Variants in FBXO32 observed in about 807,000 individuals in gnomAD.
FBXO32 encodes F-box protein 32.
Under a neutral mutation model 48.3 loss-of-function variants are expected in FBXO32, and 15 were observed. That is an observed-to-expected ratio of 0.31 (90% confidence interval 0.21 to 0.48). FBXO32 has a LOEUF of 0.48. Among genes scored for constraint, FBXO32 ranks in the 20% least tolerant of loss-of-function variants. The probability of loss-of-function intolerance (pLI) is 0.99; values close to 1 mark genes in which losing one functional copy is unlikely to be tolerated. For synonymous variants in FBXO32, 154 were observed against 165.9 expected (o/e 0.93, Z 0.55); for missense variants, 309 against 432.7 (o/e 0.71, Z 2.54).
At chr8:123,539,475 G>A (rs62521285) in intron 1 of FBXO32, among the ~76,000 whole-genome samples, 1 of 152,122 alleles carries the variant, frequency 6.6e-6, no homozygotes, top group Admixed American at 6.6e-5. Flanking sequence ...TTGATTTTAC[G>A]TAAATAAGAT....
intron 1 of FBXO32, among the ~76,000 whole-genome samples, chr8:123,536,929 G>C (rs1194998299): frequency 6.6e-6 from 1 of 152,068 alleles, no homozygotes; most frequent in Non-Finnish European, 1.5e-5. Flanking sequence ...AGCTAGTTTA[G>C]AAAGAATTTT....
chr8:123,510,036 G>A (rs1419121960), intron 6 of FBXO32, among the ~76,000 whole-genome samples: 2 of 152,132 alleles, frequency 1.3e-5, no homozygotes, highest in Non-Finnish European at 2.9e-5. Flanking sequence ...TCAGTACAGC[G>A]CCCAATAAAT....
At chr8:123,526,183 C>G (rs1268789896) in intron 4 of FBXO32, among the ~76,000 whole-genome samples, 1 of 151,706 alleles carries the variant, frequency 6.6e-6, no homozygotes, top group African/African-American at 2.4e-5. Context: ...TGACCAAGAT[C>G]ATAATAACCA....
chr8:123,518,015 C>T (rs536576793), intron 4 of FBXO32, among the ~76,000 whole-genome samples: 1 of 152,206 alleles, frequency 6.6e-6, no homozygotes, highest in East Asian at 1.9e-4. Flanking sequence ...GCTATAGCAC[C>T]GAAATGGCTA....
intron 1 of FBXO32, among the ~76,000 whole-genome samples, chr8:123,538,598 G>A (rs1340502303): frequency 6.6e-6 from 1 of 152,098 alleles, no homozygotes; most frequent in East Asian, 1.9e-4. Context: ...AGAAGTTGCA[G>A]GCTTCTCATG....
At chr8:123,522,235 A>T (rs1273800748) in intron 4 of FBXO32, among the ~76,000 whole-genome samples, 1 of 116,704 alleles carries the variant, frequency 8.6e-6, no homozygotes, top group Non-Finnish European at 1.7e-5. Flanking sequence ...TTTGAGATGG[A>T]GTCTCACTCT....
rs915990845 is a variant in FBXO32 at position 123,525,692 on chromosome 8, T to C, written c.372+6206A>G. Among the ~76,000 whole-genome samples, 1 of 152,186 alleles carries C rather than the reference T, an allele frequency of 6.6e-6. No individual in the cohort carries two copies. Among genetic ancestry groups the C allele is most frequent in the African/African-American group, 2.4e-5 (1 of 41,460 alleles). ...CACGTCCCTTCCTGGGCAGGCAACT[T>C]TGTGCAAATCACCCAGTTCCCTGGC... On this transcript the variant is annotated intron_variant, in intron 4 of 8. Coordinates refer to ENST00000517956, the MANE Select transcript of FBXO32 (RefSeq NM_058229.4). This position sits in a 1 kb window ranked among gnomAD's most constrained non-coding sequence, Gnocchi z 4.3.
intron 4 of FBXO32, among the ~76,000 whole-genome samples, chr8:123,517,179 G>A (rs948901650): frequency 2.6e-5 from 4 of 152,212 alleles, no homozygotes; most frequent in African/African-American, 9.7e-5. Context: ...GGTGGGGCAA[G>A]GGGTTGGGAG....
chr8:123,523,521 C>T (rs1178445444), intron 4 of FBXO32, among the ~76,000 whole-genome samples: 1 of 152,006 alleles, frequency 6.6e-6, no homozygotes, highest in East Asian at 1.9e-4. Flanking sequence ...ACCCAGGAGG[C>T]AGAGGTTGCA....
chr8:123,523,320 G>A (rs538098477), intron 4 of FBXO32, among the ~76,000 whole-genome samples: 3 of 152,298 alleles, frequency 2.0e-5, no homozygotes, highest in East Asian at 1.9e-4. Flanking sequence ...GACCAGGTGC[G>A]GTGGCTCATG....
At chr8:123,512,079 T>C (rs980450909) in intron 6 of FBXO32, among the ~76,000 whole-genome samples, 1 of 152,232 alleles carries the variant, frequency 6.6e-6, no homozygotes, top group African/African-American at 2.4e-5. Context: ...ATAATAAATA[T>C]GTACATTCTC....
chr8:123,503,491 G>C, intron 8 of FBXO32, 29 bp from the exon 9 acceptor site: 1 of 1,581,308 alleles, frequency 6.3e-7, no homozygotes, highest in South Asian at 1.1e-5. Context: ...TTAGCTTCAA[G>C]TTCTCAGAGG....
chr8:123,531,762 G>A, intron 4 of FBXO32, 136 bp downstream of exon 4: 2 of 944,296 alleles, frequency 2.1e-6, no homozygotes, highest in East Asian at 2.7e-5. Flanking sequence ...GAGATTGAGG[G>A]GTCTGTTTTC....
At chr8:123,523,162 C>T (rs1412035853) in intron 4 of FBXO32, among the ~76,000 whole-genome samples, 1 of 152,166 alleles carries the variant, frequency 6.6e-6, no homozygotes, top group East Asian at 1.9e-4. Flanking sequence ...AGTATAAATA[C>T]TCTTGGGAGC....
intron 6 of FBXO32, among the ~76,000 whole-genome samples, chr8:123,510,387 G>A (rs188469398): frequency 3.6e-4 from 55 of 152,218 alleles, no homozygotes; most frequent in Admixed American, 2.2e-3. Flanking sequence ...TGAGACAGGC[G>A]GATCACTTGA....
chr8:123,509,120 C>CG, intron 6 of FBXO32, among the ~76,000 whole-genome samples: 1 of 152,156 alleles, frequency 6.6e-6, no homozygotes, highest in South Asian at 2.1e-4. Context: ...TTGTTTCCTT[C>CG]ATTCTTTATT....
intron 8 of FBXO32, among the ~76,000 whole-genome samples, chr8:123,504,324 A>G (rs1816565665): frequency 1.3e-5 from 2 of 152,192 alleles, no homozygotes; most frequent in Admixed American, 6.5e-5. Flanking sequence ...ATGTGTTTCC[A>G]TGTGTAAGTG....
At chr8:123,531,870 G>A (rs893006839) in intron 4 of FBXO32, 28 bp downstream of exon 4, 6 of 1,611,808 alleles carry the variant, frequency 3.7e-6, no homozygotes, top group African/African-American at 1.3e-5. Flanking sequence ...AAAGAGCCTG[G>A]ATGAGCCTTT....
chr8:123,527,859 CA>C (rs973069247), intron 4 of FBXO32, among the ~76,000 whole-genome samples: 1 of 152,048 alleles, frequency 6.6e-6, no homozygotes, highest in Admixed American at 6.5e-5. Context: ...GAAAGTACTA[CA>C]AAAAAAGAAG....
Sources: allele counts gnomAD v4.1 joint callset (sites outside exome capture counted in the v4.1 genomes callset), GRCh38; gene constraint gnomAD v4.1.1; non-coding constraint Gnocchi (gnomAD v3.1); transcripts MANE v1.5; gene names NCBI Gene and HGNC (gene_info 2026-07-23, HGNC 2026-07-21).